The following PSD2 variants were observed in gnomAD, a reference collection of about 807,000 sequenced individuals.
PSD2 encodes the protein PH and SEC7 domain-containing protein 2.
In PSD2, 38 loss-of-function variants were observed where a neutral mutation model predicts 69.8. The ratio of observed to expected loss-of-function variants is 0.54; its 90% CI spans 0.42 to 0.71. The LOEUF is 0.71. Among genes scored for constraint, PSD2 ranks in the 30% least tolerant of loss-of-function variants. The pLI is 0.00. For synonymous variants in PSD2, 412 were observed against 423.0 expected (o/e 0.97, Z 0.32); for missense variants, 943 against 1,014.5 (o/e 0.93, Z 0.96).
chr5:139,809,351 T>C (rs753156464), intron 1 of PSD2, 40 bp from the exon 2 acceptor site: 7 of 1,480,836 alleles, frequency 4.7e-6, no homozygotes, highest in Admixed American at 2.6e-5. Flanking sequence ...CCAGCCCCAG[T>C]CCTGTCTGAC....
rs374016750 is a variant in PSD2 at position 139,813,604 on chromosome 5, C to A, written c.667C>A (p.Arg223=). The part of the protein sequence containing the change: ...GGDGELGSPL[R]RSISSSRSEN... The stretch of plus-strand genomic sequence containing the variant: ...TGATGGGGAGCTGGGCAGCCCCCTG[C>A]GGCGCTCCATCTCCAGCAGCCGCTC... Residue 223 remains arginine (R), a synonymous_variant, in exon 3 of 15, where the codon CGG becomes AGG. Coordinates refer to ENST00000274710, the MANE Select transcript of PSD2 (RefSeq NM_032289.4). 2.5e-6 allele frequency: 4 copies of A among 1,613,864 alleles called. No individual in the cohort carries two copies. The highest frequency in any genetic ancestry group is 3.3e-5 in the Admixed American group (2 of 59,996).
Position 139,837,032 on chromosome 5 carries a change from A to T in PSD2, c.1594+31A>T. ...TGTCAGGCTGGGAGAGGGGCATGGG[A>T]GGGAGGCTGGCACAGAGGGGGGCGC... is the stretch of plus-strand genomic sequence containing the variant. On this transcript the variant is annotated intron_variant, in intron 10 of 14. Transcript: ENST00000274710. This position sits in a 1 kb window ranked among gnomAD's most constrained non-coding sequence, Gnocchi z 5.0. 8 of 1,604,014 alleles carry T rather than the reference A, an allele frequency of 5.0e-6. No homozygotes were observed. The highest frequency in any genetic ancestry group is 6.8e-6 in the Non-Finnish European group (8 of 1,173,328).
chr5:139,788,073 C>A, the PSD2 span, among the ~76,000 whole-genome samples: 2 of 152,208 alleles, frequency 1.3e-5, no homozygotes, highest in East Asian at 3.9e-4. Context: ...GCGAGCGGGG[C>A]TGCGCTTCGC....
upstream of PSD2, among the ~76,000 whole-genome samples, chr5:139,793,535 C>T (rs533224780): frequency 5.9e-5 from 9 of 152,350 alleles, no homozygotes; most frequent in Admixed American, 5.2e-4. Context: ...GGACAGGGGG[C>T]AGATCCAGGG....
chr5:139,840,116 C>T lies in PSD2; in HGVS notation c.2058C>T (p.Ile686=), dbSNP rs1760836480. 6.2e-6 allele frequency: 10 copies of T among 1,614,088 alleles called. No individual in the cohort carries two copies. The South Asian group carries it at 1.1e-4, about 18-fold the overall frequency. The stretch of plus-strand genomic sequence containing the variant: ...GGTGTCACCCAGTCGAGAGGGGCAT[C>T]AAGTCCAAGGAGGCCGAGGAGTACC... The part of the protein sequence containing the change: ...EHRCHPVERG[I]KSKEAEEYRL... Residue 686 remains isoleucine, a synonymous_variant, in exon 14 of 15, where the codon ATC becomes ATT. Transcript: ENST00000274710.
Position 139,837,113 on chromosome 5 carries a change from T to C in PSD2, c.1595-55T>C. Reference sequence around the variant, plus strand: ...GGTGGACACGTAGTGGGAGGTGGGGTTGGAGAGACTGCAGAGGGTGGCTGC... The same window carrying C: ...GGTGGACACGTAGTGGGAGGTGGGGCTGGAGAGACTGCAGAGGGTGGCTGC... On this transcript the variant is annotated intron_variant, in intron 10 of 14. Transcript: ENST00000274710. This position sits in a 1 kb window ranked among gnomAD's most constrained non-coding sequence, Gnocchi z 5.0. 1 of 1,605,228 alleles carries C rather than the reference T, an allele frequency of 6.2e-7. No homozygotes were observed. The highest frequency in any genetic ancestry group is 8.5e-7 in the Non-Finnish European group (1 of 1,173,566).
intron 5 of PSD2, among the ~76,000 whole-genome samples, chr5:139,818,087 G>GGT (rs1399738247): frequency 6.6e-6 from 1 of 152,124 alleles, no homozygotes; most frequent in Non-Finnish European, 1.5e-5. Flanking sequence ...AGAATGGATG[G>GGT]GTGCAGCCCT....
At chr5:139,793,203 C>A (rs1334330214), upstream of PSD2, among the ~76,000 whole-genome samples, 2 of 152,132 alleles carry the variant, frequency 1.3e-5, no homozygotes, top group Non-Finnish European at 2.9e-5. Context: ...TTTGGCCTCC[C>A]AAAGTGTTGG....
chr5:139,754,101 GC>G, the PSD2 span, among the ~76,000 whole-genome samples: 2 of 152,270 alleles, frequency 1.3e-5, no homozygotes, highest in African/African-American at 4.8e-5. Context: ...CTCCCAAAGT[GC>G]TGGGATTACA....
At chr5:139,771,798 G>C in the PSD2 span, among the ~76,000 whole-genome samples, 3 of 152,316 alleles carry the variant, frequency 2.0e-5, no homozygotes, top group East Asian at 5.8e-4. Flanking sequence ...TAGCGCATAT[G>C]GGGAAGTAAG....
At chr5:139,827,378 C>T (rs759337789) in intron 7 of PSD2, among the ~76,000 whole-genome samples, 3 of 152,190 alleles carry the variant, frequency 2.0e-5, no homozygotes, top group African/African-American at 7.2e-5. Flanking sequence ...GTGTGTCCTA[C>T]AAGTGTATTT....
intron 3 of PSD2, 32 bp downstream of exon 3, chr5:139,813,790 G>C: frequency 6.5e-7 from 1 of 1,550,140 alleles, no homozygotes; most frequent in Non-Finnish European, 8.7e-7. Context: ...GAGAACCACC[G>C]AGCAGATGGG....
At chr5:139,803,892 A>C (rs893588381) in intron 1 of PSD2, among the ~76,000 whole-genome samples, 5 of 152,096 alleles carry the variant, frequency 3.3e-5, no homozygotes, top group Admixed American at 1.3e-4. Flanking sequence ...CCTTAACTCC[A>C]GGCCCCTTGG....
chr5:139,833,962 C>T (rs1052771184), intron 8 of PSD2, among the ~76,000 whole-genome samples, 171 bp downstream of exon 8: 2 of 152,184 alleles, frequency 1.3e-5, no homozygotes, highest in African/African-American at 4.8e-5. Context: ...TCTGTGTTCC[C>T]TGAGTTAGGC....
intron 7 of PSD2, among the ~76,000 whole-genome samples, chr5:139,827,843 A>G (rs1424770791): frequency 6.6e-6 from 1 of 152,208 alleles, no homozygotes; most frequent in Admixed American, 6.5e-5. Flanking sequence ...CCATGATCCA[A>G]TCACCTTCCT....
the PSD2 span, among the ~76,000 whole-genome samples, chr5:139,765,079 C>T: frequency 6.6e-6 from 1 of 151,820 alleles, no homozygotes; most frequent in Non-Finnish European, 1.5e-5. Flanking sequence ...TTCCAACGCC[C>T]CCTCACCCTC....
chr5:139,809,797 G>A lies in PSD2; in HGVS notation c.357G>A (p.Glu119=), dbSNP rs777151751. 9 of 1,614,146 alleles carry A rather than the reference G, an allele frequency of 5.6e-6. No homozygotes were observed. The highest frequency in any genetic ancestry group is 7.6e-6 in the Non-Finnish European group (9 of 1,180,018). ...CCAGGAGCCTCTACCCAGATGCTGAGGACCCTCAGCTGGGGTGAGTGGATG... is the reference window on the plus strand; with the variant it reads ...CCAGGAGCCTCTACCCAGATGCTGAAGACCCTCAGCTGGGGTGAGTGGATG... ...NASRSLYPDA[E]DPQLGLDGPG... The change falls in exon 2 of 15, where the codon GAG becomes GAA. Residue 119 remains glutamate (E), a synonymous_variant. Coordinates refer to ENST00000274710, the MANE Select transcript of PSD2 (RefSeq NM_032289.4).
rs1760823744 is a variant in PSD2, at chr5:139,839,680, A to G, written c.1969-347A>G. 6.6e-6 allele frequency among the ~76,000 whole-genome samples: 1 copy of G among 152,222 alleles called. No homozygotes were observed. ...TGGTCCGGGGTGTTTGTGTGTGCAC[A>G]TGGGAGTGCATATGAGCTGGGTTTT... On this transcript the variant is annotated intron_variant, in intron 13 of 14. Coordinates refer to ENST00000274710, the MANE Select transcript of PSD2 (RefSeq NM_032289.4). This position sits in a 1 kb window ranked among gnomAD's most constrained non-coding sequence, Gnocchi z 5.1.
At chr5:139,838,403 A>G (rs886438900) in intron 12 of PSD2, among the ~76,000 whole-genome samples, 2 of 152,172 alleles carry the variant, frequency 1.3e-5, no homozygotes, top group African/African-American at 2.4e-5. Context: ...TGATCTTCAC[A>G]TGAGAATTCG....
Sources: gnomAD v4.1 joint callset for allele counts (sites outside exome capture counted in the v4.1 genomes callset) on GRCh38, gnomAD v4.1.1 for gene constraint, Gnocchi (gnomAD v3.1) non-coding constraint, MANE v1.5 for transcripts, NCBI Gene and HGNC (gene_info 2026-07-23, HGNC 2026-07-21) for gene names.